EYS: variants seen among roughly 807,000 people sequenced by gnomAD.
EYS encodes the protein EGF-like photoreceptor maintenance factor, also known as protein eyes shut homolog.
A neutral mutation model predicts 282.1 loss-of-function variants in EYS; 250 were observed. The ratio of observed to expected loss-of-function variants is 0.89; its 90% CI spans 0.80 to 0.98. The LOEUF (loss-of-function observed/expected upper bound fraction) is 0.98, where lower values mean the gene tolerates loss of function less well. Among genes scored for constraint, EYS ranks in the 50% least tolerant of loss-of-function variants. The pLI, the probability that EYS is intolerant of heterozygous loss-of-function variation, is 0.00. For missense variants in EYS, 4,016 were observed against 3,709.0 expected (o/e 1.08, Z -2.15); for synonymous variants, 1,355 against 1,282.9 (o/e 1.06, Z -1.20).
At chr6:65,385,748 C>G (rs1765774501) in intron 7 of EYS, among the ~76,000 whole-genome samples, 1 of 151,766 alleles carries the variant, frequency 6.6e-6, no homozygotes, top group African/African-American at 2.4e-5. Flanking sequence ...AGATGAAGAC[C>G]TTTATGTATT....
intron 28 of EYS, among the ~76,000 whole-genome samples, chr6:64,421,399 G>A (rs1774229401): frequency 6.6e-6 from 1 of 152,146 alleles, no homozygotes; most frequent in Non-Finnish European, 1.5e-5. Flanking sequence ...ATGAGATTTG[G>A]GTGGGGACAA....
intron 35 of EYS, among the ~76,000 whole-genome samples, chr6:63,963,245 C>A (rs1163194696): frequency 2.6e-5 from 4 of 151,266 alleles, no homozygotes; most frequent in African/African-American, 9.7e-5. Context: ...GCACATTGTG[C>A]ACATGTACCC....
In EYS at chr6:65,036,690, C is replaced by A. The variant is rs79094289; in HGVS notation, c.2137+20924G>T. The stretch of plus-strand genomic sequence containing the variant: ...AACATTTGTCAGAAGGTGACATACA[C>A]ATGACTAAATCTATAAAAAAAAGTT... On this transcript the variant is annotated intron_variant, in intron 13 of 42. Transcript: ENST00000503581. Among the ~76,000 whole-genome samples, 963 of 151,048 alleles carry A rather than the reference C, an allele frequency of 6.4e-3. 18 individuals are homozygous for A. Among genetic ancestry groups the A allele is most frequent in the African/African-American group, 0.021 (862 of 41,326 alleles).
intron 29 of EYS, among the ~76,000 whole-genome samples, chr6:64,344,361 G>A (rs1252376241): frequency 2.6e-5 from 4 of 151,820 alleles, no homozygotes; most frequent in Non-Finnish European, 5.9e-5. Context: ...TATCCACCAT[G>A]ATCAAGTGGG....
At chr6:64,062,828 T>C (rs1265979933) in intron 33 of EYS, among the ~76,000 whole-genome samples, 1 of 152,198 alleles carries the variant, frequency 6.6e-6, no homozygotes, top group Non-Finnish European at 1.5e-5. Context: ...TACATTTTTT[T>C]CTCTTGATTC....
intron 2 of EYS, among the ~76,000 whole-genome samples, chr6:65,598,328 T>A (rs1158009134): frequency 2.0e-5 from 3 of 148,798 alleles, no homozygotes; most frequent in African/African-American, 7.4e-5. Flanking sequence ...AAAACTGATA[T>A]ACTATTTTCA....
chr6:64,590,676 A>T lies in EYS; in HGVS notation c.5191T>A (p.Ser1731Thr). The T allele has an allele frequency of 6.4e-7, 1 of 1,551,286 alleles. No homozygotes were observed. The highest frequency in any genetic ancestry group is 2.4e-5 in the East Asian group (1 of 40,888). ...SLLDMEKSKG[S>T]HTLFKLHPSD... ...GGGTGAAGTTTGAACAGTGTATGAG[A>T]TCCTTTACTTTTTTCCATGTCCAAT... Residue 1731 changes from serine (S) to threonine (T), a missense_variant, in exon 26 of 43, where the codon TCT (serine) becomes ACT (threonine). Ser to Thr is a moderately conservative substitution (Grantham distance 58). Transcript: ENST00000503581.
At chr6:65,585,091 T>C (rs1410347337) in intron 2 of EYS, among the ~76,000 whole-genome samples, 2 of 151,824 alleles carry the variant, frequency 1.3e-5, no homozygotes, top group African/African-American at 4.8e-5. Context: ...TAAATACTAC[T>C]AAGACCACCA....
At chr6:65,658,979 G>C (rs1767918926) in intron 1 of EYS, among the ~76,000 whole-genome samples, 1 of 151,212 alleles carries the variant, frequency 6.6e-6, no homozygotes, top group African/African-American at 2.4e-5. Context: ...ACACTCTCCA[G>C]AATCTTTTTC....
intron 5 of EYS, among the ~76,000 whole-genome samples, chr6:65,489,159 G>A (rs192157813): frequency 6.6e-6 from 1 of 152,244 alleles, no homozygotes; most frequent in Admixed American, 6.5e-5. Context: ...CTTCCACACA[G>A]CAAAAGAAAT....
At chr6:64,857,694 T>C (rs546596208) in intron 19 of EYS, among the ~76,000 whole-genome samples, 3 of 152,196 alleles carry the variant, frequency 2.0e-5, no homozygotes, top group Non-Finnish European at 2.9e-5. Context: ...CCATTTTCCA[T>C]ATGGATTTAC....
At chr6:64,645,009 G>A (rs939630753) in intron 22 of EYS, among the ~76,000 whole-genome samples, 5 of 152,110 alleles carry the variant, frequency 3.3e-5, no homozygotes, top group African/African-American at 9.7e-5. Context: ...CATTTAGTGA[G>A]TAAACAACTA....
chr6:63,860,662 A>G (rs1240866271), intron 36 of EYS, among the ~76,000 whole-genome samples: 5 of 152,072 alleles, frequency 3.3e-5, no homozygotes, highest in Non-Finnish European at 7.4e-5. Flanking sequence ...CTTCTCTCCT[A>G]TTTCCTGGAA....
At chr6:65,081,740 C>T (rs1774235558) in intron 12 of EYS, among the ~76,000 whole-genome samples, 1 of 152,010 alleles carries the variant, frequency 6.6e-6, no homozygotes. Context: ...TTTTTCTATT[C>T]ATCTTGAGAT....
intron 5 of EYS, among the ~76,000 whole-genome samples, chr6:65,445,976 T>C (rs1380680957): frequency 6.6e-6 from 1 of 151,814 alleles, no homozygotes. Flanking sequence ...GAAATAAAAT[T>C]TGAACTAAAA....
At chr6:65,243,859 T>C (rs1378004963) in intron 12 of EYS, among the ~76,000 whole-genome samples, 2 of 152,188 alleles carry the variant, frequency 1.3e-5, no homozygotes, top group Non-Finnish European at 2.9e-5. Context: ...CTGTGAGCTA[T>C]GATTGTGCCA....
At chr6:64,326,287 A>T (rs952296273) in intron 29 of EYS, among the ~76,000 whole-genome samples, 1 of 152,082 alleles carries the variant, frequency 6.6e-6, no homozygotes, top group Non-Finnish European at 1.5e-5. Flanking sequence ...TCAACTCCAC[A>T]TTCCTCAAAG....
At chr6:64,706,880 T>G (rs1419522473) in intron 22 of EYS, among the ~76,000 whole-genome samples, 1 of 152,090 alleles carries the variant, frequency 6.6e-6, no homozygotes, top group Non-Finnish European at 1.5e-5. Context: ...TGTAGACTAG[T>G]AAAACCACTG....
At chr6:64,760,882 G>A (rs1436045371) in intron 22 of EYS, among the ~76,000 whole-genome samples, 2 of 152,204 alleles carry the variant, frequency 1.3e-5, no homozygotes, top group African/African-American at 4.8e-5. Context: ...TGGTACCAGT[G>A]AGGAATTGAG....
Sources: gnomAD v4.1 joint callset for allele counts (sites outside exome capture counted in the v4.1 genomes callset) on GRCh38, gnomAD v4.1.1 for gene constraint, MANE v1.5 for transcripts, NCBI Gene and HGNC (gene_info 2026-07-23, HGNC 2026-07-21) for gene names.